SULF1: variants seen among roughly 807,000 people sequenced by gnomAD.
The protein encoded by SULF1 is sulfatase 1.
A neutral mutation model predicts 110.5 loss-of-function variants in SULF1; 46 were observed. That is an observed-to-expected ratio of 0.42 (90% CI 0.33 to 0.53). The LOEUF (loss-of-function observed/expected upper bound fraction) is 0.53. Ranked by LOEUF, SULF1 falls within the 20% of genes least tolerant of loss-of-function variation. SULF1 has a pLI of 0.12. For synonymous variants in SULF1, 371 were observed against 387.1 expected (o/e 0.96, Z 0.49); for missense variants, 941 against 1,094.2 (o/e 0.86, Z 1.98).
chr8:69,508,912 C>T (rs1187073041), intron 3 of SULF1, among the ~76,000 whole-genome samples: 1 of 152,152 alleles, frequency 6.6e-6, no homozygotes, highest in Non-Finnish European at 1.5e-5. Flanking sequence ...TTGTGAGTAT[C>T]TCTCTTCATG....
chr8:69,643,455 C>T (rs1811644869), intron 22 of SULF1, among the ~76,000 whole-genome samples: 2 of 149,994 alleles, frequency 1.3e-5, no homozygotes, highest in Admixed American at 1.3e-4. Flanking sequence ...AATTTGATTA[C>T]AAAAGATTTT....
rs375860404 is a variant in SULF1, at chr8:69,646,171, G to C, written c.2585+5330G>C. 9.2e-5 allele frequency among the ~76,000 whole-genome samples: 14 copies of C among 152,232 alleles called. No individual in the cohort carries two copies. The East Asian group carries it at 2.5e-3, about 27-fold the overall frequency. ...CTAAAAGCAATAGGCAGACATTCAA[G>C]AGTATTAAACTGGGAGAAATAATAT... On this transcript the variant is annotated intron_variant, in intron 22 of 22. Transcript: ENST00000402687.
intron 13 of SULF1, among the ~76,000 whole-genome samples, chr8:69,617,262 C>A (rs535663738): frequency 6.6e-6 from 1 of 151,242 alleles, no homozygotes; most frequent in Admixed American, 6.6e-5. Context: ...GCCCCGACCT[C>A]CTGGGCTCAA....
intron 3 of SULF1, among the ~76,000 whole-genome samples, chr8:69,559,156 A>C (rs893405339): frequency 6.6e-6 from 1 of 152,222 alleles, no homozygotes; most frequent in Non-Finnish European, 1.5e-5. Context: ...TAGCTTTTTC[A>C]GATACTTATA....
intron 3 of SULF1, among the ~76,000 whole-genome samples, chr8:69,526,731 C>G (rs1290768566): frequency 6.6e-6 from 1 of 150,870 alleles, no homozygotes; most frequent in Non-Finnish European, 1.5e-5. Context: ...GTTGAGGCTG[C>G]AAAGAGCTTT....
intron 15 of SULF1, among the ~76,000 whole-genome samples, chr8:69,624,872 T>C (rs1329255665): frequency 6.6e-6 from 1 of 152,244 alleles, no homozygotes; most frequent in Non-Finnish European, 1.5e-5. Context: ...TAGGAAATGT[T>C]TTCTTTCTGA....
intron 3 of SULF1, among the ~76,000 whole-genome samples, chr8:69,528,133 T>G (rs528618378): frequency 6.6e-6 from 1 of 152,314 alleles, no homozygotes; most frequent in South Asian, 2.1e-4. Context: ...ACAGGACCTT[T>G]GGCACATTGC....
intron 14 of SULF1, among the ~76,000 whole-genome samples, chr8:69,623,339 C>T: frequency 6.6e-6 from 1 of 152,278 alleles, no homozygotes; most frequent in South Asian, 2.1e-4. Context: ...ATAGTCCTAG[C>T]TCCATAACCT....
chr8:69,569,451 T>A (rs1256517091), intron 5 of SULF1, among the ~76,000 whole-genome samples: 2 of 152,200 alleles, frequency 1.3e-5, no homozygotes, highest in Non-Finnish European at 2.9e-5. Context: ...ATCACTTGGA[T>A]GTTTGAAGGG....
rs751669517 is a variant in SULF1, at chr8:69,624,024, G to GGAA, written c.1690_1692dup (p.Glu564dup). 6.2e-6 allele frequency: 10 copies of GGAA among 1,614,008 alleles called. No individual in the cohort carries two copies. Among genetic ancestry groups the GGAA allele is most frequent in the South Asian group, 2.2e-5 (2 of 91,082 alleles). On this transcript the variant is annotated inframe_insertion, in exon 15 of 23. Transcript: ENST00000402687. ...AAGGTGAAATATATGACATAAATCT[G>GGAA]GAAGAAGAAGAAGAATTGCAAGTGT...
At chr8:69,532,749 T>C (rs187992828) in intron 3 of SULF1, among the ~76,000 whole-genome samples, 1 of 152,334 alleles carries the variant, frequency 6.6e-6, no homozygotes, top group East Asian at 1.9e-4. Flanking sequence ...GATTGTGCAA[T>C]AGATCTCTAG....
In SULF1 at chr8:69,575,463, A is replaced by G. The variant is rs369658418; in HGVS notation, c.173-507A>G. 7.2e-5 allele frequency among the ~76,000 whole-genome samples: 11 copies of G among 152,230 alleles called. No individual in the cohort carries two copies. The East Asian group carries it at 1.9e-3, about 27-fold the overall frequency. ...GCATTGAAGATCTTTTTTAATTATT[A>G]TTAAACAAACACAGGCATTTTGATG... On this transcript the variant is annotated intron_variant, in intron 5 of 22. Coordinates refer to ENST00000402687, the MANE Select transcript of SULF1 (RefSeq NM_001128205.2).
intron 1 of SULF1, among the ~76,000 whole-genome samples, chr8:69,483,762 C>G (rs977125029): frequency 2.0e-5 from 3 of 152,098 alleles, no homozygotes; most frequent in Admixed American, 1.3e-4. Flanking sequence ...TGCAACCCAG[C>G]CTGGGCAACA....
chr8:69,618,098 TC>T (rs1331381710), intron 13 of SULF1, among the ~76,000 whole-genome samples: 1 of 152,208 alleles, frequency 6.6e-6, no homozygotes, highest in African/African-American at 2.4e-5. Context: ...CTTCTGAAAG[TC>T]CCTCTGTCCA....
At position 69,638,934 on chromosome 8, in the gene SULF1, A is replaced by G. The variant is rs996874600; in HGVS notation, c.2551+76A>G. ...TTACTGAGCTTTCTGCCTTGGAAACATTTAATTGCACAGAAACATATAATT... is the reference window on the plus strand; with the variant it reads ...TTACTGAGCTTTCTGCCTTGGAAACGTTTAATTGCACAGAAACATATAATT... On this transcript the variant is annotated intron_variant, in intron 21 of 22. Coordinates refer to ENST00000402687, the MANE Select transcript of SULF1 (RefSeq NM_001128205.2). 5.1e-6 allele frequency: 7 copies of G among 1,380,416 alleles called. No homozygotes were observed. The African/African-American group carries it at 7.3e-5, about 14-fold the overall frequency. 85.5% of individuals were successfully genotyped at this position (1,380,416 alleles called of 1,614,324 possible). A position where few individuals can be genotyped will look rare whatever the true frequency, so the allele number is the denominator to read the frequency against.
At chr8:69,623,489 A>G (rs141871110) in intron 14 of SULF1, among the ~76,000 whole-genome samples, 21 of 152,378 alleles carry the variant, frequency 1.4e-4, no homozygotes, top group Non-Finnish European at 2.6e-4. Context: ...TTAGAGATAA[A>G]TATGAAGTAT....
chr8:69,618,130 A>C (rs1809319790), intron 13 of SULF1, among the ~76,000 whole-genome samples: 1 of 152,226 alleles, frequency 6.6e-6, no homozygotes, highest in Non-Finnish European at 1.5e-5. Flanking sequence ...AGAACCACTC[A>C]TCTGACCTAA....
intron 19 of SULF1, among the ~76,000 whole-genome samples, chr8:69,631,925 T>C (rs1229263582): frequency 6.6e-6 from 1 of 152,258 alleles, no homozygotes; most frequent in Non-Finnish European, 1.5e-5. Context: ...ATCATAGTTT[T>C]TTTGACTACT....
intron 3 of SULF1, among the ~76,000 whole-genome samples, chr8:69,556,163 T>C (rs1815102484): frequency 6.6e-6 from 1 of 152,080 alleles, no homozygotes; most frequent in Non-Finnish European, 1.5e-5. Context: ...GTGTGTGTGG[T>C]ATGTGCATGT....
Sources: gnomAD v4.1 joint callset for allele counts (sites outside exome capture counted in the v4.1 genomes callset) on GRCh38, gnomAD v4.1.1 for gene constraint, MANE v1.5 for transcripts, NCBI Gene and HGNC (gene_info 2026-07-23, HGNC 2026-07-21) for gene names.